Variants in SLC47A1 observed in about 807,000 individuals in gnomAD.
The protein encoded by SLC47A1 is solute carrier family 47 member 1.
A neutral mutation model predicts 65.8 loss-of-function variants in SLC47A1; 58 were observed. The ratio of observed to expected loss-of-function variants is 0.88; its 90% CI spans 0.71 to 1.10. The LOEUF (loss-of-function observed/expected upper bound fraction) is 1.10, where lower values mean the gene tolerates loss of function less well. Among genes scored for constraint, SLC47A1 ranks in the 50% least tolerant of loss-of-function variants. The pLI is 0.00. For synonymous variants in SLC47A1, 285 were observed against 295.0 expected (o/e 0.97, Z 0.35); for missense variants, 706 against 719.2 (o/e 0.98, Z 0.21).
At chr17:19,548,905 T>G (rs998784088) in intron 4 of SLC47A1, among the ~76,000 whole-genome samples, 3 of 152,140 alleles carry the variant, frequency 2.0e-5, no homozygotes, top group African/African-American at 7.2e-5. Context: ...GGTAAGAGCT[T>G]TTAAAGCTCT....
intron 1 of SLC47A1, among the ~76,000 whole-genome samples, chr17:19,539,778 A>G (rs992298837): frequency 2.0e-5 from 3 of 152,092 alleles, no homozygotes; most frequent in African/African-American, 4.8e-5. Context: ...TGAGCCACTG[A>G]GCCTGGCCTA....
At chr17:19,562,043 C>T (rs941314177) in intron 12 of SLC47A1, among the ~76,000 whole-genome samples, 3 of 152,180 alleles carry the variant, frequency 2.0e-5, no homozygotes, top group Middle Eastern at 3.2e-3. Context: ...CCTTCATCAG[C>T]GATGCTAGTG....
chr17:19,547,570 G>C (rs1267017891), intron 3 of SLC47A1, among the ~76,000 whole-genome samples: 6 of 151,858 alleles, frequency 4.0e-5, no homozygotes, highest in Non-Finnish European at 8.8e-5. Flanking sequence ...ATCCTGCCCT[G>C]TGTGAATTAA....
chr17:19,555,417 C>A, intron 7 of SLC47A1, 108 bp downstream of exon 7: 1 of 1,334,608 alleles, frequency 7.5e-7, no homozygotes, highest in South Asian at 1.2e-5. Flanking sequence ...CATGCGTGGT[C>A]TCTTTCTTGC....
At chr17:19,534,288 C>G in intron 1 of SLC47A1, 2 of 555,678 alleles carry the variant, frequency 3.6e-6, no homozygotes, top group South Asian at 6.6e-5. Flanking sequence ...CTGGGGGCCC[C>G]GCGGGGCACT....
chr17:19,540,394 A>G (rs1398077212), intron 1 of SLC47A1, among the ~76,000 whole-genome samples: 1 of 152,244 alleles, frequency 6.6e-6, no homozygotes, highest in Non-Finnish European at 1.5e-5. Context: ...GATGATGTGC[A>G]AAAGCTTAAA....
At chr17:19,574,349 TGATCTG>T (rs1320306514) in intron 16 of SLC47A1, among the ~76,000 whole-genome samples, 1 of 152,154 alleles carries the variant, frequency 6.6e-6, no homozygotes, top group Non-Finnish European at 1.5e-5. Context: ...CTCAGTCATG[TGATCTG>T]GATGTAGGTC....
At chr17:19,548,556 G>C (rs1276164815) in intron 4 of SLC47A1, among the ~76,000 whole-genome samples, 1 of 147,678 alleles carries the variant, frequency 6.8e-6, no homozygotes, top group Non-Finnish European at 1.5e-5. Flanking sequence ...CTGGAATGCA[G>C]TGGTGCGATC....
rs1422059484 is a variant in SLC47A1 at position 19,577,342 on chromosome 17, T to G, written c.1502T>G (p.Leu501Arg). The G allele has an allele frequency of 6.2e-7, 1 of 1,613,994 alleles. No homozygotes were observed. The highest frequency in any genetic ancestry group is 1.1e-5 in the South Asian group (1 of 91,066). ...DPLHPGCPENLEGILTNDVGK... is the reference protein window; with the variant it reads ...DPLHPGCPENREGILTNDVGK... ...TTCCTCCCAGGGTGCCCTGAAAACC[T>G]TGAAGGAATTTTAACGAACGATGTT... is the stretch of plus-strand genomic sequence containing the variant. Residue 501 changes from leucine (L) to arginine (R), a missense_variant, in exon 17 of 17, where the codon CTT becomes CGT. Leu to Arg is a moderately radical substitution (Grantham distance 102). Transcript: ENST00000270570.
intron 12 of SLC47A1, among the ~76,000 whole-genome samples, chr17:19,566,535 C>A (rs555562101): frequency 6.6e-6 from 1 of 152,234 alleles, no homozygotes; most frequent in South Asian, 2.1e-4. Flanking sequence ...AAGCGATTCT[C>A]CTGCCTCAGC....
chr17:19,549,418 C>T (rs867352502), intron 4 of SLC47A1, among the ~76,000 whole-genome samples: 2 of 151,998 alleles, frequency 1.3e-5, no homozygotes, highest in South Asian at 2.1e-4. Flanking sequence ...AGGCTGGTCT[C>T]GAACTCCTCA....
rs1199469781 is a variant in SLC47A1 at position 19,546,491 on chromosome 17, C to A, written c.294C>A (p.Thr98=). The change falls in exon 3 of 17, where the codon ACC becomes ACA. Residue 98 remains threonine, a synonymous_variant. Coordinates refer to ENST00000270570, the MANE Select transcript of SLC47A1 (RefSeq NM_018242.3). ...TCGGCTTATCTTCTGCCTGTGACAC[C>A]CTCATCTCCCAGGTAAATGGAAGTG... ...VGFGLSSACD[T]LISQTYGSQN... is the part of the protein sequence containing the mutation. The A allele has an allele frequency of 6.2e-7, 1 of 1,613,578 alleles. No homozygotes were observed. The highest frequency in any genetic ancestry group is 2.2e-5 in the East Asian group (1 of 44,874).
rs370231447 is a variant in SLC47A1 at position 19,560,232 on chromosome 17, C to T, written c.966C>T (p.Asn322=). Residue 322 remains asparagine (N), a synonymous_variant, in exon 11 of 17, where the codon AAC becomes AAT. Coordinates refer to ENST00000270570, the MANE Select transcript of SLC47A1 (RefSeq NM_018242.3). ...FSVAASVRVG[N]ALGAGDMEQA... ...TGGCTGCCAGTGTCCGGGTAGGAAA[C>T]GCTCTGGGTGCTGGAGACATGGAGC... 2.3e-5 allele frequency: 37 copies of T among 1,613,392 alleles called. No individual in the cohort carries two copies. In the Middle Eastern group the frequency reaches 1.6e-3, roughly 69 times the overall value.
Position 19,548,134 on chromosome 17 carries a change from G to C in SLC47A1, c.455+1G>C. 6.2e-7 allele frequency: 1 copy of C among 1,610,492 alleles called. No individual in the cohort carries two copies. Among genetic ancestry groups the C allele is most frequent in the Non-Finnish European group, 8.5e-7 (1 of 1,177,950 alleles). On this transcript the variant is annotated splice_donor_variant, in intron 4 of 16. Coordinates refer to ENST00000270570, the MANE Select transcript of SLC47A1 (RefSeq NM_018242.3). LOFTEE classifies it high-confidence loss of function. ...TCAGGCAGGACCCAGATGTGTCCAG[G>C]TAAGATGGAACCTGTCGCAGCGGGA...
intron 12 of SLC47A1, among the ~76,000 whole-genome samples, chr17:19,562,749 C>T (rs1379059953): frequency 1.3e-5 from 2 of 151,824 alleles, no homozygotes; most frequent in Non-Finnish European, 2.9e-5. Context: ...AACCATACAG[C>T]CCAGGAAAAG....
chr17:19,574,786 C>A (rs575083949), intron 16 of SLC47A1, among the ~76,000 whole-genome samples: 1 of 152,066 alleles, frequency 6.6e-6, no homozygotes, highest in Non-Finnish European at 1.5e-5. Flanking sequence ...CGGTGGTGTA[C>A]CACCACACCC....
intron 14 of SLC47A1, among the ~76,000 whole-genome samples, chr17:19,570,670 T>G (rs2253616): frequency 0.15 from 23,560 of 152,188 alleles, 2,057 homozygotes; most frequent in East Asian, 0.3. Context: ...AAGTCTGATT[T>G]AGGGAAGGCT....
rs1915916610 is a variant in SLC47A1 at position 19,533,956 on chromosome 17, A to G, written c.17A>G (p.Glu6Gly). 4 of 1,529,502 alleles carry G rather than the reference A, an allele frequency of 2.6e-6. No individual in the cohort carries two copies. Among genetic ancestry groups the G allele is most frequent in the African/African-American group, 1.4e-5 (1 of 71,156 alleles). 94.7% of individuals were successfully genotyped at this position (1,529,502 alleles called of 1,614,324 possible). A position where few individuals can be genotyped will look rare whatever the true frequency, so the allele number is the denominator to read the frequency against. ...GCGAGTCACATGGAAGCTCCTGAGGAGCCCGCGCCAGTGCGCGGAGGCCCG... is the reference window on the plus strand; with the variant it reads ...GCGAGTCACATGGAAGCTCCTGAGGGGCCCGCGCCAGTGCGCGGAGGCCCG... MEAPE[E>G]PAPVRGGPEA... Residue 6 changes from glutamate (E) to glycine (G), a missense_variant, in exon 1 of 17, where the codon GAG becomes GGG. By Grantham distance (98) the Glu-to-Gly change is moderately conservative (BLOSUM62 -2). Transcript: ENST00000270570.
Position 19,546,428 on chromosome 17 carries a change from T to G in SLC47A1, c.238-7T>G, listed in dbSNP as rs746493393. 6.8e-6 allele frequency: 11 copies of G among 1,613,764 alleles called. No individual in the cohort carries two copies. The highest frequency in any genetic ancestry group is 8.5e-6 in the Non-Finnish European group (10 of 1,179,920). On this transcript the variant is annotated splice_polypyrimidine_tract_variant and splice_region_variant and intron_variant, in intron 2 of 16. Coordinates refer to ENST00000270570, the MANE Select transcript of SLC47A1 (RefSeq NM_018242.3). The stretch of plus-strand genomic sequence containing the variant: ...CTATAGGGCCTTATCTTTGGGTTTA[T>G]TTGCAGGTTATCAATGTCACTGGTG...
Sources: allele counts gnomAD v4.1 joint callset (sites outside exome capture counted in the v4.1 genomes callset), GRCh38; gene constraint gnomAD v4.1.1; transcripts MANE v1.5; gene names NCBI Gene and HGNC (gene_info 2026-07-23, HGNC 2026-07-21).